MACROD2: variants seen among roughly 807,000 people sequenced by gnomAD.
MACROD2 encodes the protein ADP-ribose glycohydrolase MACROD2.
MACROD2 carries 36 observed loss-of-function variants against 70.4 expected under a neutral mutation model. That is an observed-to-expected ratio of 0.51 (90% CI 0.39 to 0.68). MACROD2 has a LOEUF of 0.68. Ranked by LOEUF, MACROD2 falls within the 30% of genes least tolerant of loss-of-function variation. The pLI, the probability that MACROD2 is intolerant of heterozygous loss-of-function variation, is 0.00. For missense variants in MACROD2, 496 were observed against 538.4 expected (o/e 0.92, Z 0.78); for synonymous variants, 172 against 178.8 (o/e 0.96, Z 0.30).
At chr20:15,729,241 G>A in intron 8 of MACROD2, among the ~76,000 whole-genome samples, 1 of 152,106 alleles carries the variant, frequency 6.6e-6, no homozygotes, top group South Asian at 2.1e-4. Flanking sequence ...TTGTGTTGTG[G>A]TCCAAGAGTG....
At chr20:14,774,909 C>A (rs1327826689) in intron 5 of MACROD2, among the ~76,000 whole-genome samples, 1 of 151,976 alleles carries the variant, frequency 6.6e-6, no homozygotes, top group Admixed American at 6.6e-5. Context: ...CACAGTTATT[C>A]TTTTCTGTAA....
intron 10 of MACROD2, among the ~76,000 whole-genome samples, chr20:15,896,892 T>C (rs2064981263): frequency 6.6e-6 from 1 of 152,202 alleles, no homozygotes; most frequent in African/African-American, 2.4e-5. Flanking sequence ...TGTCATGTGC[T>C]ATAAATGATA....
At position 15,391,110 on chromosome 20, in the gene MACROD2, C is replaced by T. The variant is rs575188335; in HGVS notation, c.541-40295C>T. 3.3e-5 allele frequency among the ~76,000 whole-genome samples: 5 copies of T among 152,128 alleles called. No homozygotes were observed. In the South Asian group the frequency reaches 1.0e-3, roughly 32 times the overall value. ...ACTAGATGAGTTGATGGCAGGTAAA[C>T]GCTATGATAACAAGTAGAAAGGAGC... On this transcript the variant is annotated intron_variant, in intron 6 of 17. Coordinates refer to ENST00000684519, the MANE Select transcript of MACROD2 (RefSeq NM_001351661.2).
intron 5 of MACROD2, among the ~76,000 whole-genome samples, chr20:14,913,574 C>A (rs114502271): frequency 3.1e-4 from 47 of 152,186 alleles, no homozygotes; most frequent in African/African-American, 1.1e-3. Context: ...GTAGTCCCAG[C>A]AACTCATGAG....
At chr20:14,468,788 G>T (rs13044705) in intron 3 of MACROD2, among the ~76,000 whole-genome samples, 22,725 of 152,068 alleles carry the variant, frequency 0.15, 2,412 homozygotes, top group Non-Finnish European at 0.22. Context: ...GGGATTACAG[G>T]CGTGAGCTGT....
intron 5 of MACROD2, among the ~76,000 whole-genome samples, chr20:14,780,246 A>C (rs1458562739): frequency 6.6e-6 from 1 of 151,886 alleles, no homozygotes; most frequent in Admixed American, 6.6e-5. Context: ...AATCAGAACT[A>C]TCTGACATTA....
intron 3 of MACROD2, chr20:14,325,668 G>A: frequency 6.2e-7 from 1 of 1,613,692 alleles, no homozygotes; most frequent in African/African-American, 1.3e-5. Flanking sequence ...GAGGAAATAT[G>A]GTGTGTATTA....
chr20:14,128,546 A>T (rs1463197497), intron 3 of MACROD2, among the ~76,000 whole-genome samples: 1 of 152,198 alleles, frequency 6.6e-6, no homozygotes, highest in East Asian at 1.9e-4. Context: ...AGTTATCCAG[A>T]AGACCTAGGT....
intron 3 of MACROD2, among the ~76,000 whole-genome samples, chr20:14,278,724 C>T (rs2082279547): frequency 6.6e-6 from 1 of 152,076 alleles, no homozygotes; most frequent in East Asian, 1.9e-4. Context: ...ATTAGTACTT[C>T]AAAATACTAT....
At chr20:14,688,007 A>G (rs2071021907) in intron 5 of MACROD2, among the ~76,000 whole-genome samples, 1 of 152,090 alleles carries the variant, frequency 6.6e-6, no homozygotes, top group South Asian at 2.1e-4. Context: ...TCCCTGAGAG[A>G]TGTTTTTCTT....
At chr20:15,390,149 C>T (rs901518879) in intron 6 of MACROD2, among the ~76,000 whole-genome samples, 17 of 152,132 alleles carry the variant, frequency 1.1e-4, no homozygotes, top group African/African-American at 3.6e-4. Flanking sequence ...ATATACAAGT[C>T]GTCTCTGGAA....
At chr20:15,964,080 T>C (rs6080058) in intron 12 of MACROD2, among the ~76,000 whole-genome samples, 11,898 of 152,276 alleles carry the variant, frequency 0.078, 588 homozygotes, top group East Asian at 0.25. Context: ...TACATGTTTT[T>C]GAACATTACC....
intron 3 of MACROD2, among the ~76,000 whole-genome samples, chr20:14,305,446 G>C (rs552845607): frequency 6.6e-6 from 1 of 152,218 alleles, no homozygotes; most frequent in South Asian, 2.1e-4. Flanking sequence ...AAGAGTGGAA[G>C]AGACTGACTT....
intron 3 of MACROD2, among the ~76,000 whole-genome samples, chr20:14,156,976 A>G (rs1047618948): frequency 1.3e-5 from 2 of 152,244 alleles, no homozygotes; most frequent in African/African-American, 4.8e-5. Flanking sequence ...CATTAAAGTC[A>G]TGGATTTCAA....
intron 4 of MACROD2, among the ~76,000 whole-genome samples, chr20:14,639,487 A>AC (rs1189432147): frequency 6.6e-6 from 1 of 152,082 alleles, no homozygotes; most frequent in East Asian, 1.9e-4. Flanking sequence ...TCTGTTAATC[A>AC]CCCCATAATC....
chr20:15,221,168 T>C (rs1050394379), intron 5 of MACROD2, among the ~76,000 whole-genome samples: 4 of 152,202 alleles, frequency 2.6e-5, no homozygotes, highest in Non-Finnish European at 4.4e-5. Context: ...CACATCTTAA[T>C]AAAATACTGG....
intron 5 of MACROD2, among the ~76,000 whole-genome samples, chr20:14,983,461 C>T (rs567563492): frequency 5.2e-4 from 79 of 151,914 alleles, no homozygotes; most frequent in Non-Finnish European, 9.9e-4. Flanking sequence ...TCTTAAATTT[C>T]CATATGTTGT....
chr20:14,636,332 A>T (rs1448616434), intron 4 of MACROD2: 1 of 152,122 alleles, frequency 6.6e-6, no homozygotes, highest in Non-Finnish European at 1.5e-5. Context: ...ATGAAGTTAA[A>T]TTCCTATTCC....
intron 2 of MACROD2, among the ~76,000 whole-genome samples, chr20:14,014,208 T>G (rs1444282412): frequency 1.3e-5 from 2 of 151,988 alleles, no homozygotes; most frequent in Non-Finnish European, 2.9e-5. Flanking sequence ...AGACGACAAC[T>G]TTTCCTTTCT....
Sources: allele counts gnomAD v4.1 joint callset (sites outside exome capture counted in the v4.1 genomes callset), GRCh38; gene constraint gnomAD v4.1.1; transcripts MANE v1.5; gene names NCBI Gene and HGNC (gene_info 2026-07-23, HGNC 2026-07-21).